The following KAZN variants were observed in gnomAD, a reference collection of about 807,000 sequenced individuals.
KAZN encodes kazrin, periplakin interacting protein.
KAZN carries 40 observed loss-of-function variants against 87.4 expected under a neutral mutation model. The ratio of observed to expected loss-of-function variants is 0.46; its 90% CI spans 0.36 to 0.60. The LOEUF is 0.60. Among genes scored for constraint, KAZN ranks in the 20% least tolerant of loss-of-function variants. KAZN has a pLI of 0.00. For synonymous variants in KAZN, 466 were observed against 458.3 expected, an observed-to-expected ratio of 1.02 and a Z score of -0.22; for missense variants, 898 against 1,073.9, an observed-to-expected ratio of 0.84 and a Z score of 2.29.
chr1:14,374,593 A>C (rs1237697294), intron 2 of KAZN, among the ~76,000 whole-genome samples: 1 of 152,274 alleles, frequency 6.6e-6, no homozygotes, highest in East Asian at 1.9e-4. Flanking sequence ...GCTAATTAGC[A>C]AAGTCTCTAG....
In KAZN at chr1:14,713,138, C is replaced by T. The variant is rs138688561; in HGVS notation, c.226+113915C>T. Among the ~76,000 whole-genome samples, 78 of 152,282 alleles carry T rather than the reference C, an allele frequency of 5.1e-4. No individual in the cohort carries two copies. In the South Asian group the frequency reaches 8.7e-3, roughly 17 times the overall value. On this transcript the variant is annotated intron_variant, in intron 1 of 14. Transcript: ENST00000376030. ...GGCTACCTGCTGGGGTGACTGGGGC[C>T]ACCAGGCTCTGCTCTGTGTGTCTCT...
intron 1 of KAZN, among the ~76,000 whole-genome samples, chr1:14,081,374 C>G (rs1447617019): frequency 6.6e-6 from 1 of 152,020 alleles, no homozygotes; most frequent in East Asian, 1.9e-4. Context: ...TAAGGATGAG[C>G]TTGTTGCATA....
chr1:15,002,765 C>T (rs1465345410), intron 2 of KAZN, among the ~76,000 whole-genome samples: 1 of 151,916 alleles, frequency 6.6e-6, no homozygotes, highest in Non-Finnish European at 1.5e-5. Flanking sequence ...CACTTGAGGT[C>T]AGGAGTTCGA....
At chr1:14,547,318 CAG>C (rs1244713058) in intron 2 of KAZN, among the ~76,000 whole-genome samples, 5 of 152,118 alleles carry the variant, frequency 3.3e-5, no homozygotes, top group Non-Finnish European at 1.5e-5. Flanking sequence ...TAGTAAATTA[CAG>C]AGTTTTTTAC....
At chr1:14,600,307 C>T (rs981392921) in intron 1 of KAZN, among the ~76,000 whole-genome samples, 1 of 152,152 alleles carries the variant, frequency 6.6e-6, no homozygotes, top group Non-Finnish European at 1.5e-5. Flanking sequence ...GTTCTGTTGT[C>T]ATTTCAAGAG....
chr1:15,039,783 T>C (rs1183209429), intron 3 of KAZN, among the ~76,000 whole-genome samples: 1 of 152,044 alleles, frequency 6.6e-6, no homozygotes, highest in Non-Finnish European at 1.5e-5. Flanking sequence ...ACTAGGGGCA[T>C]CCCCCAAGTC....
chr1:14,006,988 G>T (rs1322042390), intron 1 of KAZN, among the ~76,000 whole-genome samples: 1 of 152,110 alleles, frequency 6.6e-6, no homozygotes, highest in Non-Finnish European at 1.5e-5. Flanking sequence ...CCATTTATCT[G>T]TGTCTTCTTC....
intron 1 of KAZN, among the ~76,000 whole-genome samples, chr1:14,165,510 G>T (rs1645806892): frequency 6.6e-6 from 1 of 152,200 alleles, no homozygotes; most frequent in South Asian, 2.1e-4. Context: ...TTTGCATGCA[G>T]ATTGTGTCCC....
At chr1:15,057,221 G>A (rs1357593169) in intron 5 of KAZN, among the ~76,000 whole-genome samples, 2 of 152,366 alleles carry the variant, frequency 1.3e-5, no homozygotes, top group South Asian at 4.1e-4. Flanking sequence ...GTTCAACTCT[G>A]GCCCTGCTGC....
chr1:14,888,973 A>G (rs569956065), intron 1 of KAZN, among the ~76,000 whole-genome samples: 1 of 152,376 alleles, frequency 6.6e-6, no homozygotes, highest in Admixed American at 6.5e-5. Flanking sequence ...GTCTTTGGCC[A>G]CACATAAAAT....
At chr1:14,177,576 C>T (rs1160597956) in intron 1 of KAZN, among the ~76,000 whole-genome samples, 3 of 152,102 alleles carry the variant, frequency 2.0e-5, no homozygotes, top group Admixed American at 6.5e-5. Context: ...TCAGTACTTT[C>T]GAAATGTCAA....
intron 1 of KAZN, among the ~76,000 whole-genome samples, chr1:14,875,482 TAAAAAA>T (rs34495884): frequency 2.2e-5 from 3 of 134,144 alleles, no homozygotes; most frequent in Admixed American, 7.5e-5. Flanking sequence ...CTTAATTTAT[TAAAAAA>T]AAAAAAAAAG....
chr1:14,839,835 G>C (rs1647729025), intron 1 of KAZN, among the ~76,000 whole-genome samples: 1 of 152,152 alleles, frequency 6.6e-6, no homozygotes, highest in African/African-American at 2.4e-5. Flanking sequence ...GCACCTCAAG[G>C]CTCTGGAGGT....
rs1422383918 is a variant in KAZN at position 15,104,059 on chromosome 1, G to A, written c.1918G>A (p.Gly640Ser). 1.2e-6 allele frequency: 2 copies of A among 1,613,762 alleles called. No individual in the cohort carries two copies. The highest frequency in any genetic ancestry group is 2.7e-5 in the African/African-American group (2 of 75,054). Residue 640 changes from glycine to serine, a missense_variant, in exon 13 of 15, where the codon GGT (glycine) becomes AGT (serine). Gly to Ser is a moderately conservative substitution (Grantham distance 56). Transcript: ENST00000376030. ...CAACCTGACCAACAGCGGCGTCCATGGTGCTGTGCTGGTGCTGGAGCCCAC... is the reference window on the plus strand; with the variant it reads ...CAACCTGACCAACAGCGGCGTCCATAGTGCTGTGCTGGTGCTGGAGCCCAC... ...ADNLTNSGVH[G>S]AVLVLEPTFN...
At chr1:14,897,161 A>C (rs1033076265) in intron 1 of KAZN, among the ~76,000 whole-genome samples, 4 of 152,116 alleles carry the variant, frequency 2.6e-5, no homozygotes, top group Admixed American at 2.6e-4. Context: ...TGAACATTAT[A>C]CTTGTTCACA....
rs368538579 is a variant in KAZN at position 13,998,593 on chromosome 1, G to A, written c.91+104837G>A. ...TGCAATCCTAGTCTCTGACAAAACA[G>A]ACTTTAAACCAAGAAAGATAAAAAA... is the stretch of plus-strand genomic sequence containing the variant. On this transcript the variant is annotated intron_variant, in intron 1 of 16. Coordinates refer to the KAZN transcript ENST00000636203. Among the ~76,000 whole-genome samples the A allele has an allele frequency of 8.0e-5, 12 of 149,706 alleles. No individual in the cohort carries two copies. In the East Asian group the frequency reaches 2.0e-3, roughly 24 times the overall value.
chr1:13,922,633 G>A (rs1452658885), intron 1 of KAZN, among the ~76,000 whole-genome samples: 2 of 152,126 alleles, frequency 1.3e-5, no homozygotes, highest in African/African-American at 4.8e-5. Context: ...AACGCAGCTG[G>A]GGTTTCCTTC....
intron 1 of KAZN, among the ~76,000 whole-genome samples, chr1:13,893,931 T>C (rs1314078177): frequency 1.3e-5 from 2 of 152,250 alleles, no homozygotes; most frequent in East Asian, 3.8e-4. Flanking sequence ...GCCTGGCATT[T>C]ATCACTGTAA....
At chr1:14,368,338 G>A (rs1210569683) in intron 2 of KAZN, among the ~76,000 whole-genome samples, 1 of 152,128 alleles carries the variant, frequency 6.6e-6, no homozygotes, top group Non-Finnish European at 1.5e-5. Flanking sequence ...TTTTAGCTTT[G>A]TGCATCACTC....
Sources: gnomAD v4.1 joint callset for allele counts (sites outside exome capture counted in the v4.1 genomes callset) on GRCh38, gnomAD v4.1.1 for gene constraint, MANE v1.5 for transcripts, NCBI Gene and HGNC (gene_info 2026-07-23, HGNC 2026-07-21) for gene names.